THSD4: variants seen among roughly 807,000 people sequenced by gnomAD.
THSD4 encodes thrombospondin type 1 domain containing 4.
Under a neutral mutation model 119.0 loss-of-function variants are expected in THSD4, and 69 were observed. The ratio of observed to expected loss-of-function variants is 0.58; its 90% CI spans 0.48 to 0.71. The LOEUF (loss-of-function observed/expected upper bound fraction) is 0.71, where lower values mean the gene tolerates loss of function less well. Among genes scored for constraint, THSD4 ranks in the 30% least tolerant of loss-of-function variants. The pLI, the probability that THSD4 is intolerant of heterozygous loss-of-function variation, is 0.00. For synonymous variants in THSD4, 524 were observed against 540.4 expected (o/e 0.97, Z 0.42); for missense variants, 1,393 against 1,391.1 (o/e 1.00, Z -0.02).
At chr15:71,674,011 G>A (rs1427829393) in intron 8 of THSD4, among the ~76,000 whole-genome samples, 4 of 152,148 alleles carry the variant, frequency 2.6e-5, no homozygotes, top group East Asian at 1.9e-4. Flanking sequence ...ACTGTCTGTC[G>A]GAGTAGTTGC....
At chr15:71,522,907 ACTTCAGT>A in intron 7 of THSD4, among the ~76,000 whole-genome samples, 1 of 152,184 alleles carries the variant, frequency 6.6e-6, no homozygotes, top group Non-Finnish European at 1.5e-5. Flanking sequence ...ACTTAATGGG[ACTTCAGT>A]CTGAACCACG....
intron 6 of THSD4, among the ~76,000 whole-genome samples, chr15:71,282,742 C>T (rs1246625490): frequency 6.6e-6 from 1 of 152,154 alleles, no homozygotes; most frequent in African/African-American, 2.4e-5. Flanking sequence ...GGGTCCAACT[C>T]AAAGCTTACC....
At chr15:71,659,885 C>CAGCA (rs2051267447) in intron 7 of THSD4, among the ~76,000 whole-genome samples, 1 of 152,130 alleles carries the variant, frequency 6.6e-6, no homozygotes, top group African/African-American at 2.4e-5. Context: ...GCTCTACAGA[C>CAGCA]AGCACTCTGT....
intron 3 of THSD4, among the ~76,000 whole-genome samples, chr15:71,196,242 CT>C (rs1483862269): frequency 6.6e-6 from 1 of 152,186 alleles, no homozygotes; most frequent in East Asian, 1.9e-4. Flanking sequence ...GGCCCCACTT[CT>C]TAATATTATC....
Position 71,242,962 on chromosome 15 carries a change from T to C in THSD4, c.778T>C (p.Phe260Leu). Residue 260 changes from phenylalanine to leucine, a missense_variant, in exon 5 of 18, where the codon TTT becomes CTT. By Grantham distance (22) the Phe-to-Leu change is conservative. Coordinates refer to ENST00000261862, the MANE Select transcript of THSD4 (RefSeq NM_024817.3). ...AGGCTACCCTGCAGCTTCAAGTCTC[T>C]TTCACAGCCCAGAAACAAGCAACAA... Reference protein sequence around the residue: ...DQGYPAASSLFHSPETSNNHG... With the variant: ...DQGYPAASSLLHSPETSNNHG... 6.2e-7 allele frequency: 1 copy of C among 1,614,228 alleles called. No individual in the cohort carries two copies. Among genetic ancestry groups the C allele is most frequent in the Non-Finnish European group, 8.5e-7 (1 of 1,180,042 alleles).
intron 7 of THSD4, among the ~76,000 whole-genome samples, chr15:71,646,752 C>T (rs2050976453): frequency 6.6e-6 from 1 of 152,182 alleles, no homozygotes; most frequent in East Asian, 1.9e-4. Context: ...GCTGTCAAAG[C>T]ATAAGGACAC....
chr15:71,505,816 G>C (rs2048177808), intron 7 of THSD4, among the ~76,000 whole-genome samples: 1 of 152,228 alleles, frequency 6.6e-6, no homozygotes, highest in African/African-American at 2.4e-5. Flanking sequence ...AATAGTATCA[G>C]CTTAGGCTTA....
intron 6 of THSD4, among the ~76,000 whole-genome samples, chr15:71,349,684 T>G (rs2045718898): frequency 1.3e-5 from 2 of 152,252 alleles, no homozygotes; most frequent in South Asian, 2.1e-4. Flanking sequence ...AAGACCACTG[T>G]AGGAAGAACA....
chr15:71,355,891 G>A (rs2045803624), intron 6 of THSD4, among the ~76,000 whole-genome samples: 1 of 151,718 alleles, frequency 6.6e-6, no homozygotes, highest in Admixed American at 6.6e-5. Context: ...TTTTTGAGAT[G>A]GAGTCTCACT....
intron 7 of THSD4, among the ~76,000 whole-genome samples, chr15:71,467,477 A>G (rs1462706636): frequency 6.6e-6 from 1 of 152,186 alleles, no homozygotes; most frequent in Non-Finnish European, 1.5e-5. Context: ...TCTAATGGTG[A>G]TAAACTGGGG....
chr15:71,667,449 A>G (rs1370042825), intron 8 of THSD4, among the ~76,000 whole-genome samples: 3 of 152,234 alleles, frequency 2.0e-5, no homozygotes. Flanking sequence ...ATTATACAAG[A>G]CATGTACCAC....
rs1011574197 is a variant in THSD4, at chr15:71,115,976, C to T, written c.-80+278C>T. 3.9e-4 allele frequency among the ~76,000 whole-genome samples: 60 copies of T among 152,212 alleles called. No individual in the cohort carries two copies. The highest frequency in any genetic ancestry group is 1.4e-3 in the African/African-American group (59 of 41,466). ...GCGCCGGCGCTCATCCCTCCACCCT[C>T]GACTCTAGGGACAGTCTTAAACTCT... On this transcript the variant is annotated intron_variant, in intron 1 of 17. Coordinates refer to ENST00000261862, the MANE Select transcript of THSD4 (RefSeq NM_024817.3). The surrounding 1 kb of genome is among the most constrained non-coding windows in gnomAD (Gnocchi z 4.4).
intron 7 of THSD4, among the ~76,000 whole-genome samples, chr15:71,640,386 A>G (rs2140961982): frequency 6.6e-6 from 1 of 152,168 alleles, no homozygotes; most frequent in Non-Finnish European, 1.5e-5. Flanking sequence ...TGGCCTAGGC[A>G]AATTTCTAAT....
intron 7 of THSD4, among the ~76,000 whole-genome samples, chr15:71,647,497 AT>A (rs2050993871): frequency 6.6e-6 from 1 of 152,238 alleles, no homozygotes; most frequent in Admixed American, 6.5e-5. Flanking sequence ...CTAATGAAAT[AT>A]TCATATTGGA....
chr15:71,404,716 A>T (rs1181638294), intron 6 of THSD4, among the ~76,000 whole-genome samples: 2 of 152,192 alleles, frequency 1.3e-5, no homozygotes, highest in East Asian at 1.9e-4. Context: ...CTCTTCTGAT[A>T]TGCGAGGATA....
chr15:71,710,561 A>G (rs577668746), intron 8 of THSD4, among the ~76,000 whole-genome samples: 3 of 152,300 alleles, frequency 2.0e-5, no homozygotes, highest in Admixed American at 6.5e-5. Flanking sequence ...TTGGCTTATT[A>G]TCTTGGTGCC....
intron 8 of THSD4, among the ~76,000 whole-genome samples, chr15:71,696,594 A>C (rs1398298917): frequency 6.6e-6 from 1 of 152,212 alleles, no homozygotes. Flanking sequence ...GCTGAAGATA[A>C]TGGTGGCAGC....
chr15:71,190,553 T>G (rs1030976613), intron 3 of THSD4, among the ~76,000 whole-genome samples: 1 of 152,184 alleles, frequency 6.6e-6, no homozygotes, highest in African/African-American at 2.4e-5. Context: ...ACTCCTGTCC[T>G]GTCGCTGAAG....
intron 3 of THSD4, among the ~76,000 whole-genome samples, chr15:71,189,715 CT>C (rs796092018): frequency 9.3e-4 from 141 of 151,674 alleles, no homozygotes; most frequent in African/African-American, 3.3e-3. Flanking sequence ...CCCAAATGTT[CT>C]GTTTTAGTGG....
Sources: gnomAD v4.1 joint callset for allele counts (sites outside exome capture counted in the v4.1 genomes callset) on GRCh38, gnomAD v4.1.1 for gene constraint, Gnocchi (gnomAD v3.1) non-coding constraint, MANE v1.5 for transcripts, NCBI Gene and HGNC (gene_info 2026-07-23, HGNC 2026-07-21) for gene names.